Variants in LGSN observed in about 807,000 individuals in gnomAD.
LGSN encodes the protein lengsin.
In LGSN, 21 loss-of-function variants were observed where a neutral mutation model predicts 19.5. That is an observed-to-expected ratio of 1.07 (90% confidence interval 0.76 to 1.55). The LOEUF is 1.55. Among genes scored for constraint, LGSN ranks in the 40% most tolerant of loss-of-function variants. The pLI, the probability that LGSN is intolerant of heterozygous loss-of-function variation, is 0.00. For missense variants in LGSN, 673 were observed against 608.5 expected, an observed-to-expected ratio of 1.11 and a Z score of -1.12; for synonymous variants, 257 against 215.6, an observed-to-expected ratio of 1.19 and a Z score of -1.68.
At chr6:63,475,314 CAAAAAAA>C in the LGSN span, among the ~76,000 whole-genome samples, 28 of 99,280 alleles carry the variant, frequency 2.8e-4, no homozygotes, top group African/African-American at 1.1e-3. Flanking sequence ...ATAGATCTGC[CAAAAAAA>C]AAAAAAAAAA....
chr6:63,560,920 G>A, the LGSN span, among the ~76,000 whole-genome samples: 11,422 of 152,166 alleles, frequency 0.075, 479 homozygotes, highest in East Asian at 0.16. Flanking sequence ...AAAAGGAAGG[G>A]CAGATTTTCA....
chr6:63,520,903 A>G, the LGSN span, among the ~76,000 whole-genome samples: 2 of 152,180 alleles, frequency 1.3e-5, no homozygotes, highest in Non-Finnish European at 2.9e-5. Flanking sequence ...CTATGCAGCC[A>G]TAAAAAAGAA....
At chr6:63,294,804 G>T in intron 2 of LGSN, 109 bp downstream of exon 2, 2 of 1,071,050 alleles carry the variant, frequency 1.9e-6, no homozygotes, top group South Asian at 1.4e-5. Flanking sequence ...ACTTTTATTT[G>T]TCCTTTTGCT....
At chr6:63,416,783 G>T in the LGSN span, among the ~76,000 whole-genome samples, 3 of 151,898 alleles carry the variant, frequency 2.0e-5, no homozygotes, top group Non-Finnish European at 4.4e-5. Flanking sequence ...GGCCAAGCTG[G>T]TCTTGAATTC....
the LGSN span, among the ~76,000 whole-genome samples, chr6:63,496,191 C>A: frequency 6.6e-6 from 1 of 152,228 alleles, no homozygotes; most frequent in Non-Finnish European, 1.5e-5. Context: ...TCGCAAAGTG[C>A]TGGGATTACA....
the LGSN span, among the ~76,000 whole-genome samples, chr6:63,466,852 T>A: frequency 1.3e-5 from 2 of 152,144 alleles, no homozygotes; most frequent in Admixed American, 6.6e-5. Flanking sequence ...AGACATCCAA[T>A]GAGGATATTG....
At chr6:63,418,330 A>T in the LGSN span, among the ~76,000 whole-genome samples, 1 of 152,268 alleles carries the variant, frequency 6.6e-6, no homozygotes, top group Admixed American at 6.5e-5. Flanking sequence ...TGGGAGGCCG[A>T]GGTGGGTGGA....
upstream of LGSN, among the ~76,000 whole-genome samples, chr6:63,322,966 C>T (rs1769120625): frequency 6.6e-6 from 1 of 152,152 alleles, no homozygotes; most frequent in South Asian, 2.1e-4. Context: ...GAGTAGAAAA[C>T]AGCGTAACTC....
intron 1 of LGSN, among the ~76,000 whole-genome samples, chr6:63,298,741 T>A (rs1357844205): frequency 6.6e-6 from 1 of 152,176 alleles, no homozygotes; most frequent in Non-Finnish European, 1.5e-5. Context: ...TATAGTGGAA[T>A]GCTCCAAATA....
chr6:63,505,870 G>T, the LGSN span, among the ~76,000 whole-genome samples: 81,398 of 151,944 alleles, frequency 0.54, 23,630 homozygotes, highest in African/African-American at 0.77. Context: ...ATAGTGGCCA[G>T]TCTGGTCTCA....
chr6:63,292,430 C>A (rs1767809874), intron 2 of LGSN, among the ~76,000 whole-genome samples: 1 of 152,202 alleles, frequency 6.6e-6, no homozygotes, highest in Non-Finnish European at 1.5e-5. Flanking sequence ...AATCTCCAAG[C>A]ATTTAGAATG....
At chr6:63,288,982 G>A (rs77763336) in intron 2 of LGSN, among the ~76,000 whole-genome samples, 15 of 152,168 alleles carry the variant, frequency 9.9e-5, no homozygotes, top group Admixed American at 9.2e-4. Context: ...ACATAACAGT[G>A]TATCATTCTG....
chr6:63,535,327 A>G, the LGSN span, among the ~76,000 whole-genome samples: 6 of 152,180 alleles, frequency 3.9e-5, no homozygotes, highest in South Asian at 6.2e-4. Context: ...TAAGCCAGGC[A>G]TAGTGGCATG....
chr6:63,442,827 A>G, the LGSN span, among the ~76,000 whole-genome samples: 121 of 152,334 alleles, frequency 7.9e-4, no homozygotes, highest in Non-Finnish European at 1.2e-3. Context: ...TGATTGGTGC[A>G]TATACAATCC....
chr6:63,539,978 A>G, the LGSN span, among the ~76,000 whole-genome samples: 13,320 of 152,196 alleles, frequency 0.088, 620 homozygotes, highest in East Asian at 0.16. Flanking sequence ...TGGGGGTGGG[A>G]GTAATAGGAA....
the LGSN span, among the ~76,000 whole-genome samples, chr6:63,417,641 C>G: frequency 1.3e-5 from 2 of 152,076 alleles, no homozygotes; most frequent in African/African-American, 4.8e-5. Context: ...TCATATAAAC[C>G]GAGTACACCA....
the LGSN span, among the ~76,000 whole-genome samples, chr6:63,572,992 A>C: frequency 2.0e-5 from 3 of 151,922 alleles, no homozygotes; most frequent in African/African-American, 7.3e-5. Context: ...GCCCGGAGCG[A>C]CGGGGGCGGC....
At chr6:63,421,327 C>T in the LGSN span, among the ~76,000 whole-genome samples, 1 of 151,998 alleles carries the variant, frequency 6.6e-6, no homozygotes. Context: ...GAGGCTGAGG[C>T]ACAAGAATCA....
At chr6:63,504,967 G>A in the LGSN span, among the ~76,000 whole-genome samples, 2 of 152,270 alleles carry the variant, frequency 1.3e-5, no homozygotes, top group South Asian at 4.1e-4. Context: ...ACATTCTTTT[G>A]AGTCATAGTG....
Sources: allele counts gnomAD v4.1 joint callset (sites outside exome capture counted in the v4.1 genomes callset), GRCh38; gene constraint gnomAD v4.1.1; transcripts MANE v1.5; gene names NCBI Gene and HGNC (gene_info 2026-07-23, HGNC 2026-07-21).